Variants in ECM2 observed in about 807,000 individuals in gnomAD.
ECM2 encodes the protein extracellular matrix protein 2, female organ and adipocyte specific.
In ECM2, 57 loss-of-function variants were observed where a neutral mutation model predicts 67.5. That is an observed-to-expected ratio of 0.84 (90% confidence interval 0.68 to 1.05). The LOEUF (loss-of-function observed/expected upper bound fraction) is 1.05. ECM2 is among the 50% of genes least tolerant of loss of function. The pLI, the probability that ECM2 is intolerant of heterozygous loss-of-function variation, is 0.00. For missense variants in ECM2, 741 were observed against 822.8 expected (o/e 0.90, Z 1.22); for synonymous variants, 258 against 294.5 (o/e 0.88, Z 1.27).
At chr9:92,510,723 A>C (rs757159622) in intron 5 of ECM2, among the ~76,000 whole-genome samples, 2 of 152,254 alleles carry the variant, frequency 1.3e-5, no homozygotes, top group African/African-American at 2.4e-5. Context: ...GATCATATTC[A>C]AATTTCAACA....
chr9:92,494,763 G>A (rs900885753), downstream of ECM2, among the ~76,000 whole-genome samples: 3 of 151,928 alleles, frequency 2.0e-5, no homozygotes, highest in Admixed American at 6.6e-5. Context: ...AAACATTAGC[G>A]GGGAGTGGTG....
chr9:92,537,866 G>A (rs1849225771), upstream of ECM2, among the ~76,000 whole-genome samples: 1 of 152,164 alleles, frequency 6.6e-6, no homozygotes, highest in African/African-American at 2.4e-5. Flanking sequence ...AACTTTGGGG[G>A]TAGAAAAATT....
At chr9:92,552,216 C>CACA in the ECM2 span, among the ~76,000 whole-genome samples, 103 of 146,716 alleles carry the variant, frequency 7.0e-4, no homozygotes, top group African/African-American at 1.3e-3. Context: ...CACACACACA[C>CACA]CCCACAGTTT....
chr9:92,508,739 T>TTA (rs1847158222), intron 6 of ECM2, among the ~76,000 whole-genome samples: 1 of 152,218 alleles, frequency 6.6e-6, no homozygotes, highest in African/African-American at 2.4e-5. Flanking sequence ...GCAATTCTCA[T>TTA]TATTATTGTT....
intron 9 of ECM2, among the ~76,000 whole-genome samples, chr9:92,499,870 C>T (rs1180117879): frequency 6.6e-6 from 1 of 152,106 alleles, no homozygotes; most frequent in African/African-American, 2.4e-5. Context: ...ACCTTACTAA[C>T]AAAATATTCT....
upstream of ECM2, among the ~76,000 whole-genome samples, chr9:92,537,918 G>A (rs1435227026): frequency 6.6e-6 from 1 of 152,170 alleles, no homozygotes; most frequent in East Asian, 1.9e-4. Context: ...GAAGACCACT[G>A]CTAATCAAAA....
At chr9:92,510,145 A>G in intron 5 of ECM2, 111 bp from the exon 6 acceptor site, 1 of 1,259,434 alleles carries the variant, frequency 7.9e-7, no homozygotes, top group Non-Finnish European at 1.1e-6. Context: ...CCTTAGGCTT[A>G]GACAGTAATG....
chr9:92,505,674 G>A lies in ECM2; in HGVS notation c.1323C>T (p.Val441=). Residue 441 remains valine, a synonymous_variant, in exon 7 of 10, where the codon GTC becomes GTT. Transcript: ENST00000344604. ...EESLSDLNQL[V]TLELEGNNLS... ...GATTGTTTCCTTCCAATTCTAAGGT[G>A]ACCAACTGATTTAAGTCTATAAAAA... The A allele has an allele frequency of 1.3e-6, 2 of 1,585,206 alleles. No individual in the cohort carries two copies. Among genetic ancestry groups the A allele is most frequent in the Non-Finnish European group, 1.7e-6 (2 of 1,171,896 alleles).
chr9:92,526,965 A>G (rs1259546221), intron 1 of ECM2, among the ~76,000 whole-genome samples: 2 of 152,078 alleles, frequency 1.3e-5, no homozygotes, highest in African/African-American at 2.4e-5. Context: ...ATTTTAGACC[A>G]TATTCTTACC....
intron 9 of ECM2, among the ~76,000 whole-genome samples, chr9:92,496,689 A>C (rs1846363538): frequency 6.6e-6 from 1 of 152,188 alleles, no homozygotes; most frequent in African/African-American, 2.4e-5. Flanking sequence ...ACACCCTCTG[A>C]CTCGGGAGAT....
At chr9:92,532,148 A>G (rs557805751) in intron 1 of ECM2, among the ~76,000 whole-genome samples, 58 of 150,142 alleles carry the variant, frequency 3.9e-4, no homozygotes, top group Non-Finnish European at 6.2e-4. Flanking sequence ...GGCACGAACT[A>G]CCACACCCGG....
At chr9:92,523,648 T>C (rs565369518) in intron 1 of ECM2, among the ~76,000 whole-genome samples, 2 of 152,342 alleles carry the variant, frequency 1.3e-5, no homozygotes, top group South Asian at 4.1e-4. Context: ...GCGTAATCTA[T>C]AGCAGTAGCG....
At chr9:92,527,088 A>C (rs1418761859) in intron 1 of ECM2, among the ~76,000 whole-genome samples, 3 of 152,206 alleles carry the variant, frequency 2.0e-5, no homozygotes, top group Non-Finnish European at 2.9e-5. Context: ...AGCTCACTGC[A>C]ACCTCCGCTT....
chr9:92,533,749 T>A lies in ECM2; in HGVS notation c.-28+2184A>T, dbSNP rs1404619428. Among the ~76,000 whole-genome samples, 4 of 152,172 alleles carry A rather than the reference T, an allele frequency of 2.6e-5. No homozygotes were observed. The East Asian group carries it at 7.7e-4, about 29-fold the overall frequency. Reference sequence around the variant, plus strand: ...TGCTCTTATTAAAGATCTGAAAATGTCATTGTTTAATTGGAAACAGAATTA... The same window carrying A: ...TGCTCTTATTAAAGATCTGAAAATGACATTGTTTAATTGGAAACAGAATTA... On this transcript the variant is annotated intron_variant, in intron 1 of 9. Transcript: ENST00000344604.
At chr9:92,504,892 A>AC (rs1357405881) in intron 7 of ECM2, among the ~76,000 whole-genome samples, 1 of 151,742 alleles carries the variant, frequency 6.6e-6, no homozygotes, top group Non-Finnish European at 1.5e-5. Context: ...TCAGCCAAAG[A>AC]CCCCCAGGAG....
upstream of ECM2, among the ~76,000 whole-genome samples, chr9:92,538,015 A>G (rs1287395592): frequency 6.6e-6 from 1 of 151,966 alleles, no homozygotes; most frequent in Non-Finnish European, 1.5e-5. Context: ...TGTAGGGAAA[A>G]CAGAAACTCT....
intron 6 of ECM2, among the ~76,000 whole-genome samples, chr9:92,507,352 G>A (rs1298511354): frequency 6.6e-6 from 1 of 152,200 alleles, no homozygotes; most frequent in Non-Finnish European, 1.5e-5. Flanking sequence ...GAAATGCAGT[G>A]GAAGTTTTTC....
At chr9:92,500,692 A>T in intron 9 of ECM2, 35 bp downstream of exon 9, 2 of 1,577,854 alleles carry the variant, frequency 1.3e-6, no homozygotes, top group Non-Finnish European at 8.6e-7. Flanking sequence ...TGCCAACCAA[A>T]ATTTAAACAG....
At chr9:92,555,251 G>A in the ECM2 span, among the ~76,000 whole-genome samples, 1 of 106,198 alleles carries the variant, frequency 9.4e-6, no homozygotes, top group Non-Finnish European at 1.8e-5. Flanking sequence ...TTTTTAGATG[G>A]AGTTTCGCTC....
Sources: allele counts gnomAD v4.1 joint callset (sites outside exome capture counted in the v4.1 genomes callset), GRCh38; gene constraint gnomAD v4.1.1; transcripts MANE v1.5; gene names NCBI Gene and HGNC (gene_info 2026-07-23, HGNC 2026-07-21).